CD59: variants seen among roughly 807,000 people sequenced by gnomAD.
CD59 encodes CD59 molecule (CD59 blood group), also known as CD59 glycoprotein.
CD59 carries 3 observed loss-of-function variants against 7.0 expected under a neutral mutation model. The ratio of observed to expected loss-of-function variants is 0.43; its 90% confidence interval spans 0.19 to 1.10. The LOEUF is 1.10. CD59 is among the 50% of genes least tolerant of loss of function. The pLI is 0.29. For missense variants in CD59, 143 were observed against 151.0 expected, an observed-to-expected ratio of 0.95 and a Z score of 0.28; for synonymous variants, 60 against 62.0, an observed-to-expected ratio of 0.97 and a Z score of 0.15.
chr11:33,729,945 T>C (rs925677733), intron 1 of CD59, among the ~76,000 whole-genome samples: 3 of 152,082 alleles, frequency 2.0e-5, no homozygotes, highest in African/African-American at 7.2e-5. Flanking sequence ...TATATGCAAT[T>C]TTTTTTCTGA....
intron 3 of CD59, among the ~76,000 whole-genome samples, chr11:33,711,679 TA>T (rs34595102): frequency 6.6e-6 from 1 of 150,858 alleles, no homozygotes; most frequent in Non-Finnish European, 1.5e-5. Context: ...CTTGCCTCTT[TA>T]AAAAAAAATG....
At position 33,722,455 on chromosome 11, in the gene CD59, C is replaced by A. The variant is rs756373158; in HGVS notation, c.-10G>T. On this transcript the variant is annotated 5_prime_UTR_variant, in exon 2 of 4. Transcript: ENST00000642928. ...CTCCTTGGATTCCCATTGTGATTGT[C>A]CACAGAACCTGGAAGGAAGGGACAG... 29 of 1,613,844 alleles carry A rather than the reference C, an allele frequency of 1.8e-5. No homozygotes were observed. The Admixed American group carries it at 4.8e-4, about 27-fold the overall frequency.
intron 1 of CD59, among the ~76,000 whole-genome samples, chr11:33,732,890 T>C (rs1229646667): frequency 6.6e-6 from 1 of 152,170 alleles, no homozygotes; most frequent in East Asian, 1.9e-4. Context: ...AAGGAGATTA[T>C]TTTGGATTAT....
At chr11:33,730,212 T>G (rs887208692) in intron 1 of CD59, among the ~76,000 whole-genome samples, 110 of 151,842 alleles carry the variant, frequency 7.2e-4, no homozygotes, top group African/African-American at 2.6e-3. Context: ...GTGGATTGCT[T>G]GAGCCAAGAG....
chr11:33,733,132 T>C (rs967818752), intron 1 of CD59, among the ~76,000 whole-genome samples: 6 of 152,186 alleles, frequency 3.9e-5, no homozygotes, highest in Non-Finnish European at 7.3e-5. Flanking sequence ...ACAAGGACTA[T>C]ATTCTACCAG....
At chr11:33,730,371 AC>A (rs1005684138) in intron 1 of CD59, among the ~76,000 whole-genome samples, 14 of 152,262 alleles carry the variant, frequency 9.2e-5, no homozygotes, top group African/African-American at 3.4e-4. Flanking sequence ...GCCAAGACAC[AC>A]CACTGCACTC....
chr11:33,716,903 A>C (rs1443388039), intron 3 of CD59, among the ~76,000 whole-genome samples: 1 of 152,228 alleles, frequency 6.6e-6, no homozygotes. Flanking sequence ...AATGAGACAG[A>C]GGCATATATA....
chr11:33,730,341 G>A (rs1454653574), intron 1 of CD59, among the ~76,000 whole-genome samples: 1 of 152,110 alleles, frequency 6.6e-6, no homozygotes. Flanking sequence ...CTTGAGCCTG[G>A]GAGGTTGAGG....
rs565943271 is a variant in CD59 at position 33,732,515 on chromosome 11, C to A, written c.-19+3867G>T. The stretch of plus-strand genomic sequence containing the variant: ...CCCAAAGAACTGCGAGCCAATTAAA[C>A]CTCTTTTCTTTATAAATTACCCAGT... On this transcript the variant is annotated intron_variant, in intron 1 of 3. Coordinates refer to ENST00000642928, the MANE Select transcript of CD59 (RefSeq NM_000611.6). Among the ~76,000 whole-genome samples the A allele has an allele frequency of 1.2e-4, 18 of 152,322 alleles. No homozygotes were observed. In the South Asian group the frequency reaches 3.7e-3, roughly 32 times the overall value.
intron 1 of CD59, among the ~76,000 whole-genome samples, chr11:33,734,815 A>G (rs1046515618): frequency 6.6e-6 from 1 of 152,340 alleles, no homozygotes; most frequent in South Asian, 2.1e-4. Flanking sequence ...GGTTTGGCTG[A>G]GGTTCTTAAA....
At chr11:33,726,090 T>C (rs1854249671) in intron 1 of CD59, among the ~76,000 whole-genome samples, 1 of 152,132 alleles carries the variant, frequency 6.6e-6, no homozygotes, top group Non-Finnish European at 1.5e-5. Context: ...TGGGAGACTT[T>C]AACACCCCAC....
chr11:33,715,780 C>T (rs1853762564), intron 3 of CD59, among the ~76,000 whole-genome samples: 2 of 152,142 alleles, frequency 1.3e-5, no homozygotes, highest in Admixed American at 6.5e-5. Flanking sequence ...TGGCTTTGAC[C>T]TCCTTTCCTC....
chr11:33,711,510 A>G (rs1853557548), intron 3 of CD59: 1 of 645,052 alleles, frequency 1.6e-6, no homozygotes, highest in Admixed American at 2.7e-5. Flanking sequence ...CCAACTCTAC[A>G]AAAATAAAAA....
intron 3 of CD59, among the ~76,000 whole-genome samples, chr11:33,716,576 AG>A (rs1183488259): frequency 2.0e-5 from 3 of 152,220 alleles, no homozygotes; most frequent in Non-Finnish European, 4.4e-5. Flanking sequence ...ACCACACCCC[AG>A]CAAGAACAGA....
intron 1 of CD59, among the ~76,000 whole-genome samples, chr11:33,732,598 A>T (rs1266067004): frequency 6.6e-6 from 1 of 152,236 alleles, no homozygotes; most frequent in African/African-American, 2.4e-5. Flanking sequence ...TTCCTGTGTT[A>T]ACTTCCATTT....
In CD59 at chr11:33,708,888, A is replaced by G. The variant is rs1853425604; in HGVS notation, c.*1238T>C. ...TCGGTTTGTCCAACAGAGTATAATC[A>G]AGGGTTTTTTTTCAACATTAATCAA... is the stretch of plus-strand genomic sequence containing the variant. On this transcript the variant is annotated 3_prime_UTR_variant, in exon 4 of 4. Transcript: ENST00000642928. 1 of 152,182 alleles carries G rather than the reference A, an allele frequency of 6.6e-6. No homozygotes were observed. Among genetic ancestry groups the G allele is most frequent in the African/African-American group, 2.4e-5 (1 of 41,434 alleles). 9.4% of individuals were successfully genotyped at this position (152,182 alleles called of 1,614,324 possible).
In CD59 at chr11:33,709,941, C is replaced by G; in HGVS notation, c.*185G>C. 3.1e-6 allele frequency: 2 copies of G among 644,750 alleles called. No homozygotes were observed. The highest frequency in any genetic ancestry group is 5.0e-5 in the Admixed American group (2 of 39,984). 39.9% of individuals were successfully genotyped at this position (644,750 alleles called of 1,614,324 possible). A position where few individuals can be genotyped will look rare whatever the true frequency, so the allele number is the denominator to read the frequency against. On this transcript the variant is annotated 3_prime_UTR_variant, in exon 4 of 4. Transcript: ENST00000642928. ...GACTTCTTCCTTCAAGTGGGGCTTC[C>G]CTGCAAACAGGACTGGTCTTCAAAG...
In CD59 at chr11:33,707,493, T is replaced by C. The variant is rs971164946; in HGVS notation, c.*2633A>G. On this transcript the variant is annotated 3_prime_UTR_variant, in exon 4 of 4. Transcript: ENST00000642928. ...CACTTATCTACTCATCAGGTGTTCC[T>C]TGCACCCCTAGCTCATCCCCCCAAG... is the stretch of plus-strand genomic sequence containing the variant. The C allele has an allele frequency of 2.0e-5, 3 of 152,258 alleles. No homozygotes were observed. The highest frequency in any genetic ancestry group is 2.0e-4 in the Admixed American group (3 of 15,284). 9.4% of individuals were successfully genotyped at this position (152,258 alleles called of 1,614,324 possible).
rs1371157701 is a variant in CD59 at position 33,709,994 on chromosome 11, G to C, written c.*132C>G. 1.3e-6 allele frequency: 1 copy of C among 775,330 alleles called. No homozygotes were observed. Among genetic ancestry groups the C allele is most frequent in the Non-Finnish European group, 2.2e-6 (1 of 450,596 alleles). 48.0% of individuals were successfully genotyped at this position (775,330 alleles called of 1,614,324 possible). On this transcript the variant is annotated 3_prime_UTR_variant, in exon 4 of 4. Coordinates refer to ENST00000642928, the MANE Select transcript of CD59 (RefSeq NM_000611.6). ...TCCCAGAGCCCCTCTATCTTAGCCA[G>C]GTTGCTCAAGCTAATTTTATTCTTT...
Sources: gnomAD v4.1 joint callset for allele counts (sites outside exome capture counted in the v4.1 genomes callset) on GRCh38, gnomAD v4.1.1 for gene constraint, MANE v1.5 for transcripts, NCBI Gene and HGNC (gene_info 2026-07-23, HGNC 2026-07-21) for gene names.